The following DHTKD1 variants were observed in gnomAD, a reference collection of about 807,000 sequenced individuals.
DHTKD1 encodes 2-oxoadipate dehydrogenase complex component E1.
In DHTKD1, 78 loss-of-function variants were observed where a neutral mutation model predicts 101.8. That is an observed-to-expected ratio of 0.77 (90% CI 0.64 to 0.93). The LOEUF is 0.93. Among genes scored for constraint, DHTKD1 ranks in the 40% least tolerant of loss-of-function variants. The pLI, the probability that DHTKD1 is intolerant of heterozygous loss-of-function variation, is 0.00. For missense variants in DHTKD1, 1,223 were observed against 1,161.7 expected, an observed-to-expected ratio of 1.05 and a Z score of -0.77; for synonymous variants, 462 against 450.3, an observed-to-expected ratio of 1.03 and a Z score of -0.33.
intron 8 of DHTKD1, among the ~76,000 whole-genome samples, 182 bp from the exon 9 acceptor site, chr10:12,099,989 TTTCACCA>T (rs1014748556): frequency 7.2e-5 from 11 of 151,774 alleles, no homozygotes; most frequent in African/African-American, 2.7e-4. Context: ...AGAGATGGAG[TTTCACCA>T]TGTTGTCCAG....
In DHTKD1 at chr10:12,100,287, GTT is replaced by G. The variant is rs57815181; in HGVS notation, c.1756+38_1756+39del. On this transcript the variant is annotated intron_variant, in intron 9 of 16. Coordinates refer to ENST00000263035, the MANE Select transcript of DHTKD1 (RefSeq NM_018706.7). ...GGTAAGAATTTTCTTTTTTTTTTCT[GTT>G]TTTTTTTTTTTTGAGTCTCACCCTG... The G allele has an allele frequency of 2.9e-4, 80 of 272,220 alleles. 3 individuals carry two copies. The highest frequency in any genetic ancestry group is 1.6e-3 in the Admixed American group (21 of 13,332). 16.9% of individuals were successfully genotyped at this position (272,220 alleles called of 1,614,324 possible). A position where few individuals can be genotyped will look rare whatever the true frequency, so the allele number is the denominator to read the frequency against.
chr10:12,114,852 G>C, intron 13 of DHTKD1, among the ~76,000 whole-genome samples: 1 of 152,070 alleles, frequency 6.6e-6, no homozygotes, highest in Non-Finnish European at 1.5e-5. Flanking sequence ...CTGGAGTGCA[G>C]TGCTGCGATC....
intron 2 of DHTKD1, among the ~76,000 whole-genome samples, chr10:12,083,973 A>G (rs1408370918): frequency 6.6e-6 from 1 of 151,800 alleles, no homozygotes; most frequent in African/African-American, 2.4e-5. Flanking sequence ...CCCAGGCTGG[A>G]GTGCAGTGGT....
At chr10:12,120,313 G>A (rs769948815) in intron 16 of DHTKD1, 46 bp downstream of exon 16, 2 of 1,458,232 alleles carry the variant, frequency 1.4e-6, no homozygotes, top group South Asian at 2.4e-5. Context: ...TTGTGTGCAT[G>A]TTGTTTTTCT....
chr10:12,099,865 C>T (rs182674806), intron 8 of DHTKD1, among the ~76,000 whole-genome samples: 177 of 147,390 alleles, frequency 1.2e-3, no homozygotes, highest in African/African-American at 4.4e-3. Flanking sequence ...GGAGCCATCT[C>T]AGCTCACTGC....
rs1683252551 is a variant in DHTKD1 at position 12,122,233 on chromosome 10, TG to T, written c.*1349del. 1 of 152,248 alleles carries T rather than the reference TG, an allele frequency of 6.6e-6. No individual in the cohort carries two copies. Among genetic ancestry groups the T allele is most frequent in the Non-Finnish European group, 1.5e-5 (1 of 68,052 alleles). 9.4% of individuals were successfully genotyped at this position (152,248 alleles called of 1,614,324 possible). A position where few individuals can be genotyped will look rare whatever the true frequency, so the allele number is the denominator to read the frequency against. On this transcript the variant is annotated 3_prime_UTR_variant, in exon 17 of 17. Transcript: ENST00000263035. ...TGATATCTTACTATTTTTAACTGTCTGGGGTTTCTGATATGGGGATTTCAGC... is the reference window on the plus strand; with the variant it reads ...TGATATCTTACTATTTTTAACTGTCTGGGTTTCTGATATGGGGATTTCAGC...
At chr10:12,075,384 TGAGATG>T (rs2131347212) in intron 1 of DHTKD1, among the ~76,000 whole-genome samples, 1 of 152,216 alleles carries the variant, frequency 6.6e-6, no homozygotes, top group South Asian at 2.1e-4. Context: ...TTTGTTTTTC[TGAGATG>T]GAGTCTTGCT....
chr10:12,090,171 G>A (rs532964903), intron 5 of DHTKD1, among the ~76,000 whole-genome samples: 7 of 152,202 alleles, frequency 4.6e-5, no homozygotes, highest in Admixed American at 3.3e-4. Context: ...AACTACAGGA[G>A]ATCATGAAAC....
intron 1 of DHTKD1, among the ~76,000 whole-genome samples, chr10:12,070,902 A>G (rs991770423): frequency 2.6e-5 from 4 of 152,220 alleles, no homozygotes; most frequent in Admixed American, 2.6e-4. Flanking sequence ...GTGACAAGAT[A>G]CAATGAACAT....
intron 1 of DHTKD1, among the ~76,000 whole-genome samples, chr10:12,081,101 C>T (rs1237530930): frequency 3.3e-5 from 5 of 151,728 alleles, no homozygotes; most frequent in Non-Finnish European, 5.9e-5. Flanking sequence ...GAGATTGAGG[C>T]CATCCTGCCT....
At chr10:12,082,600 G>C (rs1220576903) in intron 2 of DHTKD1, among the ~76,000 whole-genome samples, 3 of 141,426 alleles carry the variant, frequency 2.1e-5, no homozygotes, top group Admixed American at 7.7e-5. Flanking sequence ...CAAGGTGGTA[G>C]TTTTCTCTCT....
chr10:12,084,405 C>T, intron 2 of DHTKD1, 135 bp from the exon 3 acceptor site: 2 of 603,198 alleles, frequency 3.3e-6, no homozygotes, highest in South Asian at 4.3e-5. Context: ...AAAACAATGC[C>T]TTCAATTAAA....
chr10:12,075,673 A>C (rs1003548623), intron 1 of DHTKD1, among the ~76,000 whole-genome samples: 8 of 152,166 alleles, frequency 5.3e-5, no homozygotes, highest in African/African-American at 1.9e-4. Flanking sequence ...GCCATCCAGT[A>C]ATAGGAAGTA....
At position 12,103,939 on chromosome 10, in the gene DHTKD1, A is replaced by G. The variant is rs911468827; in HGVS notation, c.1897-2307A>G. Among the ~76,000 whole-genome samples, 3 of 152,142 alleles carry G rather than the reference A, an allele frequency of 2.0e-5. No homozygotes were observed. Among genetic ancestry groups the G allele is most frequent in the African/African-American group, 4.8e-5 (2 of 41,446 alleles). ...ACAGAGTTGTGTAATCATCACCACT[A>G]TCTAATTTTAGAACATTTTCATTAC... On this transcript the variant is annotated intron_variant, in intron 10 of 16. Transcript: ENST00000263035. This position sits in a 1 kb window ranked among gnomAD's most constrained non-coding sequence, Gnocchi z 4.8.
intron 12 of DHTKD1, among the ~76,000 whole-genome samples, chr10:12,111,819 A>G (rs1833334421): frequency 6.6e-6 from 1 of 152,058 alleles, no homozygotes. Context: ...GAGTTAGGGA[A>G]ATAGAGTTTA....
Position 12,100,274 on chromosome 10 carries a change from C to CTATTTTTTTTCTG in DHTKD1, c.1756+13_1756+14insATTTTTTTTCTGT. On this transcript the variant is annotated intron_variant, in intron 9 of 16. Coordinates refer to ENST00000263035, the MANE Select transcript of DHTKD1 (RefSeq NM_018706.7). Reference sequence around the variant, plus strand: ...TTTACTTGCTCAAGGTAAGAATTTTCTTTTTTTTTTCTGTTTTTTTTTTTT... The same window carrying CTATTTTTTTTCTG: ...TTTACTTGCTCAAGGTAAGAATTTTCTATTTTTTTTCTGTTTTTTTTTTCTGTTTTTTTTTTTT... The CTATTTTTTTTCTG allele has an allele frequency of 2.8e-6, 1 of 351,674 alleles. No homozygotes were observed. Among genetic ancestry groups the CTATTTTTTTTCTG allele is most frequent in the Non-Finnish European group, 4.3e-6 (1 of 232,896 alleles). 21.8% of individuals were successfully genotyped at this position (351,674 alleles called of 1,614,324 possible). A position where few individuals can be genotyped will look rare whatever the true frequency, so the allele number is the denominator to read the frequency against.
Position 12,114,154 on chromosome 10 carries a change from A to G in DHTKD1, c.2319+1090A>G, listed in dbSNP as rs1173191794. Among the ~76,000 whole-genome samples the G allele has an allele frequency of 4.6e-5, 7 of 151,870 alleles. No individual in the cohort carries two copies. In the South Asian group the frequency reaches 1.5e-3, roughly 31 times the overall value. Reference sequence around the variant, plus strand: ...ACGTAGGTTTACCTATTTATCTGTTAAGTGTACATTGTTTTTCAAATCACA... The same window carrying G: ...ACGTAGGTTTACCTATTTATCTGTTGAGTGTACATTGTTTTTCAAATCACA... On this transcript the variant is annotated intron_variant, in intron 13 of 16. Transcript: ENST00000263035.
At position 12,107,837 on chromosome 10, in the gene DHTKD1, C is replaced by T; in HGVS notation, c.2048-72C>T. ...AGGCAGAAAACTAACATTGATTTCC[C>T]CAGCTGAGTCGTGTCAGGCCACTTT... On this transcript the variant is annotated intron_variant, in intron 11 of 16. Transcript: ENST00000263035. This position sits in a 1 kb window ranked among gnomAD's most constrained non-coding sequence, Gnocchi z 4.1. 5.0e-6 allele frequency: 5 copies of T among 994,276 alleles called. No individual in the cohort carries two copies. The South Asian group carries it at 7.0e-5, about 14-fold the overall frequency. The allele number at this position is 994,276 out of a possible 1,614,324, so 61.6% of individuals were successfully genotyped here.
In DHTKD1 at chr10:12,118,711, T is replaced by G. The variant is rs999325116; in HGVS notation, c.2403-38T>G. ...CTGACGTAATTCTTACTTTAAAAAA[T>G]TTCTCCCCCACCCTATTGTTCCTTT... On this transcript the variant is annotated intron_variant, in intron 14 of 16. Transcript: ENST00000263035. 2.8e-6 allele frequency: 4 copies of G among 1,438,168 alleles called. No homozygotes were observed. The African/African-American group carries it at 4.4e-5, about 16-fold the overall frequency. The allele number at this position is 1,438,168 out of a possible 1,614,324, so 89.1% of individuals were successfully genotyped here. A position where few individuals can be genotyped will look rare whatever the true frequency, so the allele number is the denominator to read the frequency against.
Sources: gnomAD v4.1 joint callset for allele counts (sites outside exome capture counted in the v4.1 genomes callset) on GRCh38, gnomAD v4.1.1 for gene constraint, Gnocchi (gnomAD v3.1) non-coding constraint, MANE v1.5 for transcripts, NCBI Gene and HGNC (gene_info 2026-07-23, HGNC 2026-07-21) for gene names.